PLCB4: variants seen among roughly 807,000 people sequenced by gnomAD.
The protein encoded by PLCB4 is 1-phosphatidylinositol 4,5-bisphosphate phosphodiesterase beta-4.
Under a neutral mutation model 178.8 loss-of-function variants are expected in PLCB4, and 77 were observed. That is an observed-to-expected ratio of 0.43 (90% CI 0.36 to 0.52). PLCB4 has a LOEUF of 0.52. Ranked by LOEUF, PLCB4 falls within the 20% of genes least tolerant of loss-of-function variation. PLCB4 has a pLI of 0.00. For synonymous variants in PLCB4, 496 were observed against 490.8 expected, an observed-to-expected ratio of 1.01 and a Z score of -0.14; for missense variants, 1,024 against 1,453.4, an observed-to-expected ratio of 0.70 and a Z score of 4.80.
rs927115800 is a variant in PLCB4 at position 9,377,607 on chromosome 20, G to T, written c.745-2447G>T. Among the ~76,000 whole-genome samples the T allele has an allele frequency of 9.2e-5, 14 of 152,116 alleles. No homozygotes were observed. The South Asian group carries it at 2.3e-3, about 25-fold the overall frequency. On this transcript the variant is annotated intron_variant, in intron 12 of 39. Coordinates refer to ENST00000378473, the MANE Select transcript of PLCB4 (RefSeq NM_001377142.1). ...CAGAAGCAAAAACAAATGCAATTTC[G>T]CATTGTCTGCACTTCATGCTTATTT...
At chr20:9,084,304 A>G (rs772741298) in intron 1 of PLCB4, among the ~76,000 whole-genome samples, 1 of 152,180 alleles carries the variant, frequency 6.6e-6, no homozygotes, top group Non-Finnish European at 1.5e-5. Flanking sequence ...ATCTTTTTCC[A>G]TAATTAGGAA....
intron 32 of PLCB4, among the ~76,000 whole-genome samples, chr20:9,449,456 C>G (rs985623384): frequency 1.4e-4 from 21 of 152,152 alleles, no homozygotes; most frequent in Non-Finnish European, 2.2e-4. Context: ...CCAAGTCAGT[C>G]TGAGCTACCA....
chr20:9,178,465 A>G (rs66551416), intron 2 of PLCB4, among the ~76,000 whole-genome samples: 30,973 of 151,992 alleles, frequency 0.2, 3,225 homozygotes, highest in African/African-American at 0.25. Flanking sequence ...GAAAAATGAA[A>G]AACTGGAATA....
chr20:9,191,195 G>A (rs1048716123), intron 2 of PLCB4, among the ~76,000 whole-genome samples: 3 of 152,020 alleles, frequency 2.0e-5, no homozygotes, highest in Admixed American at 2.0e-4. Flanking sequence ...GGAATATCAG[G>A]GCTATGGTTT....
intron 30 of PLCB4, among the ~76,000 whole-genome samples, chr20:9,443,568 C>CT (rs2122125005): frequency 6.6e-6 from 1 of 152,274 alleles, no homozygotes; most frequent in East Asian, 1.9e-4. Flanking sequence ...TGCCCAGCCT[C>CT]TTTTTGCCAA....
chr20:9,093,531 C>T (rs2090772809), intron 1 of PLCB4, among the ~76,000 whole-genome samples: 1 of 151,962 alleles, frequency 6.6e-6, no homozygotes, highest in African/African-American at 2.4e-5. Flanking sequence ...GGAAAGCTTG[C>T]AAAAGAAAAT....
rs200773760 is a variant in PLCB4 at position 9,088,854 on chromosome 20, T to A, written c.-134-7433T>A. On this transcript the variant is annotated intron_variant, in intron 1 of 39. Coordinates refer to ENST00000378473, the MANE Select transcript of PLCB4 (RefSeq NM_001377142.1). ...ATAGGTATATTCATAAATGTATATATATGTAAATGTGTACTTTTTTGAGGA... is the reference window on the plus strand; with the variant it reads ...ATAGGTATATTCATAAATGTATATAAATGTAAATGTGTACTTTTTTGAGGA... Among the ~76,000 whole-genome samples the A allele has an allele frequency of 2.6e-4, 40 of 152,248 alleles. No individual in the cohort carries two copies. In the East Asian group the frequency reaches 7.3e-3, roughly 28 times the overall value.
At chr20:9,079,495 C>T (rs1018801841) in intron 1 of PLCB4, among the ~76,000 whole-genome samples, 1 of 152,208 alleles carries the variant, frequency 6.6e-6, no homozygotes, top group African/African-American at 2.4e-5. Flanking sequence ...TCACTCTCTG[C>T]CTGTCCCCTA....
chr20:9,411,131 T>C (rs1568768183), intron 25 of PLCB4, 43 bp downstream of exon 25: 6 of 1,293,644 alleles, frequency 4.6e-6, no homozygotes, highest in Admixed American at 1.7e-5. Flanking sequence ...GATTGAGAAC[T>C]CCATACTACA....
intron 3 of PLCB4, among the ~76,000 whole-genome samples, chr20:9,262,816 T>C (rs554482354): frequency 4.9e-4 from 75 of 152,308 alleles, no homozygotes; most frequent in African/African-American, 1.7e-3. Context: ...CATTGGAATT[T>C]GCAGGCACTC....
chr20:9,390,107 C>T (rs993009942), intron 16 of PLCB4, 149 bp downstream of exon 16: 5 of 550,090 alleles, frequency 9.1e-6, no homozygotes, highest in Non-Finnish European at 1.3e-5. Context: ...GGCACCTACT[C>T]TTATGCAAAG....
chr20:9,443,909 C>A, intron 30 of PLCB4, 72 bp from the exon 31 acceptor site: 2 of 833,786 alleles, frequency 2.4e-6, no homozygotes, highest in Non-Finnish European at 2.0e-6. Context: ...TTCGATATGT[C>A]AGTTCTATAT....
chr20:9,133,553 C>T (rs1373147978), intron 2 of PLCB4, among the ~76,000 whole-genome samples: 1 of 152,148 alleles, frequency 6.6e-6, no homozygotes, highest in Admixed American at 6.6e-5. Flanking sequence ...AGGTGTGAGC[C>T]ACCACACCCA....
intron 30 of PLCB4, among the ~76,000 whole-genome samples, chr20:9,443,110 G>C (rs1287976534): frequency 6.6e-6 from 1 of 152,136 alleles, no homozygotes; most frequent in African/African-American, 2.4e-5. Flanking sequence ...CAGATAGCAG[G>C]ATGACTTAGT....
intron 1 of PLCB4, among the ~76,000 whole-genome samples, chr20:9,095,385 T>A (rs1412414433): frequency 6.6e-6 from 1 of 152,168 alleles, no homozygotes; most frequent in African/African-American, 2.4e-5. Flanking sequence ...TATATATCAT[T>A]ATCCCCATTG....
At chr20:9,386,050 G>A (rs113913490) in intron 14 of PLCB4, among the ~76,000 whole-genome samples, 2,761 of 152,294 alleles carry the variant, frequency 0.018, 86 homozygotes, top group African/African-American at 0.06. Context: ...GTCAGGAGCC[G>A]GAGACCAGCC....
At chr20:9,155,478 C>T (rs1207272292) in intron 2 of PLCB4, among the ~76,000 whole-genome samples, 1 of 152,088 alleles carries the variant, frequency 6.6e-6, no homozygotes, top group Admixed American at 6.6e-5. Flanking sequence ...AGATTCAGGG[C>T]CTTTTTAGCT....
At chr20:9,302,813 AC>A (rs1309972477) in intron 3 of PLCB4, among the ~76,000 whole-genome samples, 1 of 152,134 alleles carries the variant, frequency 6.6e-6, no homozygotes, top group African/African-American at 2.4e-5. Flanking sequence ...TTCTAGGAGA[AC>A]CAGAGTTAAA....
intron 1 of PLCB4, among the ~76,000 whole-genome samples, chr20:9,084,153 AG>A (rs1428311327): frequency 6.6e-6 from 1 of 152,214 alleles, no homozygotes; most frequent in Non-Finnish European, 1.5e-5. Flanking sequence ...AGCTTTCATA[AG>A]AGTTAATTTG....
Sources: gnomAD v4.1 joint callset for allele counts (sites outside exome capture counted in the v4.1 genomes callset) on GRCh38, gnomAD v4.1.1 for gene constraint, MANE v1.5 for transcripts, NCBI Gene and HGNC (gene_info 2026-07-23, HGNC 2026-07-21) for gene names.